ZBBX: variants seen among roughly 807,000 people sequenced by gnomAD.
The protein encoded by ZBBX is zinc finger B-box domain-containing protein 1.
In ZBBX, 101 loss-of-function variants were observed where a neutral mutation model predicts 108.5. That is an observed-to-expected ratio of 0.93 (90% CI 0.79 to 1.10). The LOEUF is 1.10. ZBBX is among the 50% of genes least tolerant of loss of function. The probability of loss-of-function intolerance (pLI) is 0.00; values close to 1 mark genes in which losing one functional copy is unlikely to be tolerated. For synonymous variants in ZBBX, 356 were observed against 323.4 expected (o/e 1.10, Z -1.08); for missense variants, 1,009 against 941.4 (o/e 1.07, Z -0.94).
chr3:167,288,854 G>A lies in ZBBX; in HGVS notation c.1996+13C>T. 6.6e-7 allele frequency: 1 copy of A among 1,510,620 alleles called. No homozygotes were observed. The highest frequency in any genetic ancestry group is 8.9e-7 in the Non-Finnish European group (1 of 1,119,866). 93.6% of individuals were successfully genotyped at this position (1,510,620 alleles called of 1,614,324 possible). ...CTGCCAACATGGCACTGCTGCCTTT[G>A]AGTCAATGTTACCCATCTTTTGCTG... On this transcript the variant is annotated intron_variant, in intron 19 of 21. Coordinates refer to ENST00000675490, the MANE Select transcript of ZBBX (RefSeq NM_001199201.2).
In ZBBX at chr3:167,305,922, G is replaced by A; in HGVS notation, c.1446C>T (p.Asn482=). The part of the protein sequence containing the change: ...KAETSNTDFD[N]IVDPDVYSSD... The stretch of plus-strand genomic sequence containing the variant: ...AAGAATACACATCAGGATCCACGAT[G>A]TTGTCAAAATCTGTGTTTGAAGTTT... The change falls in exon 17 of 22, where the codon AAC becomes AAT. Residue 482 remains asparagine (N), a synonymous_variant. Transcript: ENST00000675490. 2.5e-6 allele frequency: 4 copies of A among 1,568,840 alleles called. No homozygotes were observed. Among genetic ancestry groups the A allele is most frequent in the Non-Finnish European group, 2.6e-6 (3 of 1,160,062 alleles).
intron 10 of ZBBX, among the ~76,000 whole-genome samples, chr3:167,332,673 T>A (rs1156747016): frequency 1.3e-5 from 2 of 152,176 alleles, no homozygotes; most frequent in Admixed American, 6.6e-5. Context: ...CATAAGGTGT[T>A]CAATAAAAGT....
rs1303832807 is a variant in ZBBX at position 167,330,871 on chromosome 3, GAGAAGAAGAAGAAGA to G, written c.688-2770_688-2756del. On this transcript the variant is annotated intron_variant, in intron 10 of 21. Transcript: ENST00000675490. ...GGAGGAGGAGGAGGAGGAGGAGGAG[GAGAAGAAGAAGAAGA>G]AGAAGAAGAAGAAGAAGAAGAAGAG... is the stretch of plus-strand genomic sequence containing the variant. 4.6e-4 allele frequency among the ~76,000 whole-genome samples: 20 copies of G among 43,916 alleles called. No homozygotes were observed. In the Admixed American group the frequency reaches 5.0e-3, roughly 11 times the overall value. The allele number at this position is 43,916 out of a possible 152,430, so 28.8% of individuals were successfully genotyped here.
intron 10 of ZBBX, among the ~76,000 whole-genome samples, chr3:167,328,414 C>T (rs79931713): frequency 1.3e-5 from 2 of 152,046 alleles, no homozygotes; most frequent in Admixed American, 6.6e-5. Context: ...TGTAAAGGTG[C>T]AATTGCCTTG....
At chr3:167,284,342 C>A (rs1250675670) in intron 19 of ZBBX, among the ~76,000 whole-genome samples, 1 of 151,902 alleles carries the variant, frequency 6.6e-6, no homozygotes, top group African/African-American at 2.4e-5. Context: ...ATAGCACAGG[C>A]AATAGCAGTA....
downstream of ZBBX, among the ~76,000 whole-genome samples, chr3:167,239,772 T>C (rs1014561638): frequency 6.6e-6 from 1 of 152,064 alleles, no homozygotes; most frequent in Non-Finnish European, 1.5e-5. Flanking sequence ...GAATCAATTA[T>C]AAGGTCTGAC....
intron 6 of ZBBX, among the ~76,000 whole-genome samples, chr3:167,361,249 T>C (rs1215592528): frequency 6.6e-6 from 1 of 152,072 alleles, no homozygotes; most frequent in Non-Finnish European, 1.5e-5. Flanking sequence ...CTGACTTTCC[T>C]AAATATTAGC....
chr3:167,330,945 T>TTCTCTCTCTCTCTCTTTCTC (rs1553820806), intron 10 of ZBBX, among the ~76,000 whole-genome samples: 6 of 87,172 alleles, frequency 6.9e-5, no homozygotes, highest in Non-Finnish European at 8.8e-5. Context: ...CTCTCTTTCT[T>TTCTCTCTCTCTCTCTTTCTC]TCTCTCTCTC....
intron 1 of ZBBX, among the ~76,000 whole-genome samples, chr3:167,403,009 G>A (rs1748473486): frequency 6.6e-6 from 1 of 152,118 alleles, no homozygotes; most frequent in South Asian, 2.1e-4. Flanking sequence ...GAGGGAATAA[G>A]TCAGAGTACA....
chr3:167,231,258 A>ACT, the ZBBX span, among the ~76,000 whole-genome samples: 4 of 151,788 alleles, frequency 2.6e-5, no homozygotes, highest in African/African-American at 9.6e-5. Flanking sequence ...GAGGACAAAG[A>ACT]CTCTTCCCTA....
intron 5 of ZBBX, chr3:167,366,873 A>G: frequency 4.4e-6 from 2 of 456,120 alleles, no homozygotes; most frequent in Non-Finnish European, 8.8e-6. Flanking sequence ...AGGTAAAAGA[A>G]TTGGCCACTG....
intron 16 of ZBBX, among the ~76,000 whole-genome samples, chr3:167,306,247 A>G (rs1237394189): frequency 6.6e-6 from 1 of 152,196 alleles, no homozygotes; most frequent in East Asian, 1.9e-4. Flanking sequence ...CTGTGGTTCA[A>G]TTCTCACTTT....
intron 6 of ZBBX, among the ~76,000 whole-genome samples, chr3:167,361,893 G>A (rs1196313921): frequency 6.6e-6 from 1 of 152,120 alleles, no homozygotes; most frequent in East Asian, 1.9e-4. Flanking sequence ...CAAGCAAAAT[G>A]AACCCATTAT....
chr3:167,256,359 A>G (rs1468520089), intron 20 of ZBBX, among the ~76,000 whole-genome samples: 5 of 152,154 alleles, frequency 3.3e-5, no homozygotes, highest in Admixed American at 1.3e-4. Context: ...TTTATGGGGT[A>G]CATGAAATGT....
chr3:167,327,486 C>T (rs947900716), intron 11 of ZBBX, among the ~76,000 whole-genome samples: 1 of 152,180 alleles, frequency 6.6e-6, no homozygotes, highest in African/African-American at 2.4e-5. Flanking sequence ...CCAATGATCA[C>T]ACAGTGCATA....
chr3:167,391,935 C>A (rs1035185603), intron 1 of ZBBX, among the ~76,000 whole-genome samples: 1 of 151,528 alleles, frequency 6.6e-6, no homozygotes, highest in African/African-American at 2.4e-5. Flanking sequence ...CTGCCTATCC[C>A]ATCCACTTGA....
intron 16 of ZBBX, among the ~76,000 whole-genome samples, chr3:167,312,396 T>C (rs1419428767): frequency 1.3e-5 from 2 of 152,156 alleles, no homozygotes; most frequent in Non-Finnish European, 2.9e-5. Flanking sequence ...TCATAGCATG[T>C]ACAATACCAA....
chr3:167,363,993 T>C (rs1400938791), intron 6 of ZBBX, among the ~76,000 whole-genome samples: 3 of 152,030 alleles, frequency 2.0e-5, no homozygotes, highest in South Asian at 4.1e-4. Flanking sequence ...GGTATTATTA[T>C]GCAAGTTTAC....
At chr3:167,289,820 A>G (rs899812776) in intron 18 of ZBBX, among the ~76,000 whole-genome samples, 1 of 152,194 alleles carries the variant, frequency 6.6e-6, no homozygotes, top group African/African-American at 2.4e-5. Context: ...GAGTCCAGCA[A>G]GCTAAGATCC....
Sources: gnomAD v4.1 joint callset for allele counts (sites outside exome capture counted in the v4.1 genomes callset) on GRCh38, gnomAD v4.1.1 for gene constraint, MANE v1.5 for transcripts, NCBI Gene and HGNC (gene_info 2026-07-23, HGNC 2026-07-21) for gene names.